Variants in GRK3 observed in about 807,000 individuals in gnomAD.
GRK3 encodes G protein-coupled receptor kinase 3.
In GRK3, 54 loss-of-function variants were observed where a neutral mutation model predicts 95.7. That is an observed-to-expected ratio of 0.56 (90% CI 0.45 to 0.71). The LOEUF (loss-of-function observed/expected upper bound fraction) is 0.71, where lower values mean the gene tolerates loss of function less well. Ranked by LOEUF, GRK3 falls within the 30% of genes least tolerant of loss-of-function variation. The pLI is 0.00. For missense variants in GRK3, 649 were observed against 851.2 expected (o/e 0.76, Z 2.96); for synonymous variants, 281 against 290.8 (o/e 0.97, Z 0.34).
At chr22:25,683,121 G>A (rs896912284) in intron 9 of GRK3, among the ~76,000 whole-genome samples, 3 of 152,212 alleles carry the variant, frequency 2.0e-5, no homozygotes, top group Non-Finnish European at 4.4e-5. Context: ...GGATTGTAAA[G>A]AAAATAAGCA....
At position 25,661,660 on chromosome 22, in the gene GRK3, C is replaced by T. The variant is rs936363388; in HGVS notation, c.349C>T (p.Leu117Phe). ...TTATGATGCCTACATCATGAAGGAACTTCTTTCCTGTTCACATGTAAGTAT... is the reference window on the plus strand; with the variant it reads ...TTATGATGCCTACATCATGAAGGAATTTCTTTCCTGTTCACATGTAAGTAT... ...QIYDAYIMKELLSCSHPFSKQ... is the reference protein window; with the variant it reads ...QIYDAYIMKEFLSCSHPFSKQ... Residue 117 changes from leucine to phenylalanine, a missense_variant, in exon 4 of 21, where the codon CTT (leucine) becomes TTT (phenylalanine). Physicochemically the swap from Leu to Phe is conservative, Grantham distance 22 (BLOSUM62 0). Around this residue, in one of 3 missense-constraint regions of GRK3, gnomAD observed 206 missense variants for 231.4 expected, o/e 0.89. Coordinates refer to ENST00000324198, the MANE Select transcript of GRK3 (RefSeq NM_005160.4). 1.4e-5 allele frequency: 22 copies of T among 1,608,976 alleles called. No homozygotes were observed. Among genetic ancestry groups the T allele is most frequent in the Non-Finnish European group, 1.9e-5 (22 of 1,175,908 alleles).
rs984082833 is a variant in GRK3, at chr22:25,649,335, A to G, written c.264+4670A>G. 1.7e-5 allele frequency: 11 copies of G among 649,640 alleles called. No homozygotes were observed. The Admixed American group carries it at 2.0e-4, about 12-fold the overall frequency. 40.2% of individuals were successfully genotyped at this position (649,640 alleles called of 1,614,324 possible). ...AAGAAGAAAATCTTCTTTACTCTGCACATTTTTAATGGTAAACTGGAGTCC... is the reference window on the plus strand; with the variant it reads ...AAGAAGAAAATCTTCTTTACTCTGCGCATTTTTAATGGTAAACTGGAGTCC... On this transcript the variant is annotated intron_variant, in intron 3 of 20. Coordinates refer to ENST00000324198, the MANE Select transcript of GRK3 (RefSeq NM_005160.4).
chr22:25,569,501 C>T (rs565621473), intron 1 of GRK3, among the ~76,000 whole-genome samples: 6 of 152,184 alleles, frequency 3.9e-5, no homozygotes, highest in Admixed American at 3.9e-4. Context: ...AGCTTTTACA[C>T]GCAATGGATT....
rs926005156 is a variant in GRK3 at position 25,644,473 on chromosome 22, T to A, written c.191-119T>A. 55 of 406,164 alleles carry A rather than the reference T, an allele frequency of 1.4e-4. 1 individual carries two copies. Among genetic ancestry groups the A allele is most frequent in the African/African-American group, 2.5e-4 (12 of 47,242 alleles). 25.2% of individuals were successfully genotyped at this position (406,164 alleles called of 1,614,324 possible). ...CACTAGCTTCTTGAAATCTTTTTTT[T>A]AAAAAAAAAAGTAGAGGAGGAAGAG... is the stretch of plus-strand genomic sequence containing the variant. On this transcript the variant is annotated intron_variant, in intron 2 of 20. Coordinates refer to ENST00000324198, the MANE Select transcript of GRK3 (RefSeq NM_005160.4).
intron 2 of GRK3, among the ~76,000 whole-genome samples, chr22:25,612,015 T>C (rs2084501659): frequency 6.6e-6 from 1 of 152,006 alleles, no homozygotes. Context: ...TATATTTCAG[T>C]AGAGACGGGT....
intron 1 of GRK3, among the ~76,000 whole-genome samples, chr22:25,571,536 A>C (rs1227116486): frequency 2.0e-5 from 3 of 152,156 alleles, no homozygotes. Context: ...GATTAAAAAC[A>C]CTTATACTAT....
intron 6 of GRK3, among the ~76,000 whole-genome samples, chr22:25,670,395 G>C (rs1010573715): frequency 3.3e-5 from 5 of 152,058 alleles, no homozygotes; most frequent in Non-Finnish European, 7.4e-5. Context: ...TAGCCACTTG[G>C]GGGGCTGAGG....
At chr22:25,636,292 C>A (rs1483651996) in intron 2 of GRK3, among the ~76,000 whole-genome samples, 1 of 152,172 alleles carries the variant, frequency 6.6e-6, no homozygotes, top group African/African-American at 2.4e-5. Flanking sequence ...CCTTTATAAA[C>A]AGAGCAAGGA....
chr22:25,566,897 G>T lies in GRK3; in HGVS notation c.113+1744G>T, dbSNP rs534654922. On this transcript the variant is annotated intron_variant, in intron 1 of 20. Coordinates refer to ENST00000324198, the MANE Select transcript of GRK3 (RefSeq NM_005160.4). The stretch of plus-strand genomic sequence containing the variant: ...ATTGATAAATCTCAACTCATGGGCA[G>T]TTTTTTTTTTGGGGGGGGCTAGTAT... Among the ~76,000 whole-genome samples, 292 of 143,334 alleles carry T rather than the reference G, an allele frequency of 2.0e-3. 2 individuals are homozygous for T. Among genetic ancestry groups the T allele is most frequent in the African/African-American group, 6.9e-3 (263 of 38,240 alleles). The allele number at this position is 143,334 out of a possible 152,430, so 94.0% of individuals were successfully genotyped here.
At chr22:25,714,858 G>A (rs2085371354) in intron 18 of GRK3, among the ~76,000 whole-genome samples, 1 of 152,118 alleles carries the variant, frequency 6.6e-6, no homozygotes, top group African/African-American at 2.4e-5. Flanking sequence ...TCCAGATTGA[G>A]TATGACAGTG....
intron 7 of GRK3, 48 bp from the exon 8 acceptor site, chr22:25,674,389 A>T (rs766371590): frequency 1.4e-6 from 2 of 1,473,238 alleles, no homozygotes. Context: ...TTAAAACACC[A>T]TAGCTTTGTG....
At chr22:25,650,910 T>C (rs868633222) in intron 3 of GRK3, among the ~76,000 whole-genome samples, 8 of 152,328 alleles carry the variant, frequency 5.3e-5, no homozygotes, top group African/African-American at 1.7e-4. Flanking sequence ...GTCTACTTAA[T>C]GGTGGTCATT....
At position 25,635,756 on chromosome 22, in the gene GRK3, A is replaced by G. The variant is rs148873984; in HGVS notation, c.191-8836A>G. On this transcript the variant is annotated intron_variant, in intron 2 of 20. Transcript: ENST00000324198. ...CTAGCATCCTCCACTGTTAGTTATG[A>G]GTTTTCCCTTTGTAAGTAAGTAACT... Among the ~76,000 whole-genome samples, 408 of 152,298 alleles carry G rather than the reference A, an allele frequency of 2.7e-3. 2 individuals carry two copies. Among genetic ancestry groups the G allele is most frequent in the Admixed American group, 6.4e-3 (98 of 15,294 alleles).
At chr22:25,647,503 G>A (rs1310564702) in intron 3 of GRK3, 1 of 1,432,352 alleles carries the variant, frequency 7.0e-7, no homozygotes, top group Non-Finnish European at 9.8e-7. Context: ...ATTCTCAGTG[G>A]TGCCAAGTTC....
chr22:25,686,841 T>C (rs1266873269), intron 10 of GRK3, among the ~76,000 whole-genome samples: 1 of 152,216 alleles, frequency 6.6e-6, no homozygotes, highest in East Asian at 1.9e-4. Flanking sequence ...TGTTGTCTTT[T>C]GAGACGGAGT....
rs150745100 is a variant in GRK3 at position 25,722,441 on chromosome 22, C to T, written c.2058C>T (p.Asn686=). The T allele has an allele frequency of 2.4e-4, 389 of 1,614,100 alleles. 2 individuals carry two copies. Among genetic ancestry groups the T allele is most frequent in the Middle Eastern group, 1.2e-3 (7 of 6,060 alleles). The part of the protein sequence containing the change: ...PKPSLCHRNS[N]GL ...CATCCCTCTGTCACAGAAACAGCAACGGCCTCTAGCACCCAGAAACAGGGA... is the reference window on the plus strand; with the variant it reads ...CATCCCTCTGTCACAGAAACAGCAATGGCCTCTAGCACCCAGAAACAGGGA... Residue 686 remains asparagine (N), a synonymous_variant, in exon 21 of 21, where the codon AAC becomes AAT. Coordinates refer to ENST00000324198, the MANE Select transcript of GRK3 (RefSeq NM_005160.4).
rs2085273284 is a variant in GRK3 at position 25,703,361 on chromosome 22, A to G, written c.1161-149A>G. The G allele has an allele frequency of 1.5e-5, 9 of 585,228 alleles. No individual in the cohort carries two copies. The South Asian group carries it at 2.0e-4, about 13-fold the overall frequency. The allele number at this position is 585,228 out of a possible 1,614,324, so 36.3% of individuals were successfully genotyped here. ...CTAGCATTTATTCACCAGTTCTTCC[A>G]TGGAAATGATAAATGTTTACGGCTT... is the stretch of plus-strand genomic sequence containing the variant. On this transcript the variant is annotated intron_variant, in intron 13 of 20. Coordinates refer to ENST00000324198, the MANE Select transcript of GRK3 (RefSeq NM_005160.4).
intron 1 of GRK3, among the ~76,000 whole-genome samples, chr22:25,585,274 C>CTAGG (rs1377110687): frequency 6.6e-6 from 1 of 152,278 alleles, no homozygotes; most frequent in East Asian, 1.9e-4. Flanking sequence ...TTGGCGTGTG[C>CTAGG]TAGGACCTGT....
At chr22:25,716,048 G>A (rs142399983) in intron 18 of GRK3, among the ~76,000 whole-genome samples, 5 of 152,084 alleles carry the variant, frequency 3.3e-5, no homozygotes, top group African/African-American at 9.6e-5. Context: ...GTGCAGTGGC[G>A]CGATCTCGGC....
Sources: allele counts gnomAD v4.1 joint callset (sites outside exome capture counted in the v4.1 genomes callset), GRCh38; gene constraint gnomAD v4.1.1; regional missense constraint gnomAD v4.1.1; transcripts MANE v1.5; gene names NCBI Gene and HGNC (gene_info 2026-07-23, HGNC 2026-07-21).